Variants in GRIA3 observed in about 807,000 individuals in gnomAD.
GRIA3 encodes the protein glutamate receptor 3.
A neutral mutation model predicts 63.0 loss-of-function variants in GRIA3; 3 were observed. The ratio of observed to expected loss-of-function variants is 0.05; its 90% confidence interval spans 0.02 to 0.12. GRIA3 has a LOEUF of 0.12. Among genes scored for constraint, GRIA3 ranks in the 10% least tolerant of loss-of-function variants. GRIA3 has a pLI of 1.00. For synonymous variants in GRIA3, 274 were observed against 257.9 expected (o/e 1.06, Z -0.60); for missense variants, 347 against 700.9 (o/e 0.50, Z 5.70).
At chrX:123,416,204 C>T (rs918389453) in intron 10 of GRIA3, among the ~76,000 whole-genome samples, 1 of 112,154 alleles carries the variant, frequency 8.9e-6, no homozygotes, top group Non-Finnish European at 1.9e-5. Flanking sequence ...ATTTCCCTTT[C>T]AACTAATTAA....
intron 12 of GRIA3, among the ~76,000 whole-genome samples, chrX:123,463,686 G>GAA (rs2045814698): frequency 2.0e-5 from 1 of 50,942 alleles, no homozygotes; most frequent in African/African-American, 9.0e-5. Context: ...GAAAGAAAGA[G>GAA]AGAGAAAGAA....
intron 4 of GRIA3, among the ~76,000 whole-genome samples, chrX:123,341,729 A>T (rs887377253): frequency 6.2e-5 from 7 of 112,527 alleles, no homozygotes; most frequent in Non-Finnish European, 1.1e-4. Flanking sequence ...CATATTGCCC[A>T]CTATAATCCT....
chrX:123,459,037 T>C (rs2045778685), intron 12 of GRIA3, among the ~76,000 whole-genome samples: 1 of 111,808 alleles, frequency 8.9e-6, no homozygotes, highest in Admixed American at 9.5e-5. Flanking sequence ...TATAAAGATA[T>C]ATAATGTTTT....
chrX:123,446,769 TA>T (rs1205125238), intron 12 of GRIA3, among the ~76,000 whole-genome samples: 1 of 111,423 alleles, frequency 9.0e-6, no homozygotes, highest in Non-Finnish European at 1.9e-5. Context: ...CAGGTAAGGA[TA>T]GGGGTGGGAA....
chrX:123,249,059 C>T (rs1190951874), intron 2 of GRIA3, among the ~76,000 whole-genome samples: 2 of 111,616 alleles, frequency 1.8e-5, no homozygotes, highest in Non-Finnish European at 3.8e-5. Context: ...TCCTGACCCA[C>T]GCTGCAAAAG....
intron 12 of GRIA3, among the ~76,000 whole-genome samples, chrX:123,437,586 G>A (rs912669811): frequency 2.7e-5 from 3 of 111,571 alleles, no homozygotes; most frequent in African/African-American, 9.8e-5. Flanking sequence ...GAAAACCACT[G>A]TGGCTGAAGA....
intron 12 of GRIA3, among the ~76,000 whole-genome samples, chrX:123,453,050 C>G (rs1291147789): frequency 2.7e-5 from 3 of 111,913 alleles, no homozygotes; most frequent in Non-Finnish European, 5.6e-5. Context: ...GGTATATACC[C>G]AAAGGATTAT....
intron 2 of GRIA3, chrX:123,202,787 G>C: frequency 8.6e-7 from 1 of 1,160,422 alleles, no homozygotes; most frequent in Non-Finnish European, 1.2e-6. Context: ...TCTGGGGTAA[G>C]TGCCCATAGT....
chrX:123,480,070 G>A lies in GRIA3; in HGVS notation c.2332G>A (p.Val778Ile). ...TPKGSALRTP[V>I]NLAVLKLSEQ... is the part of the protein sequence containing the mutation. Reference sequence around the variant, plus strand: ...GTTATTTCCCACGTGAAGAACGCCTGTAAACCTTGCAGTATTGAAACTCAG... The same window carrying A: ...GTTATTTCCCACGTGAAGAACGCCTATAAACCTTGCAGTATTGAAACTCAG... Residue 778 changes from valine (V) to isoleucine (I), a missense_variant, in exon 14 of 16, where the codon GTA becomes ATA. Val to Ile is a conservative substitution (Grantham distance 29). This residue lies in a region of GRIA3 where 49 missense variants were observed against 176.6 expected (regional missense o/e 0.28). Coordinates refer to ENST00000620443, the MANE Select transcript of GRIA3 (RefSeq NM_007325.5). 8.5e-7 allele frequency: 1 copy of A among 1,174,390 alleles called. No homozygotes were observed. The highest frequency in any genetic ancestry group is 1.2e-6 in the Non-Finnish European group (1 of 861,528).
chrX:123,390,530 C>T (rs2016570731), intron 5 of GRIA3, among the ~76,000 whole-genome samples: 1 of 111,724 alleles, frequency 9.0e-6, no homozygotes, highest in Non-Finnish European at 1.9e-5. Flanking sequence ...AATGGGAACT[C>T]CCATCAGACT....
At chrX:123,268,279 A>T (rs2044499667) in intron 3 of GRIA3, among the ~76,000 whole-genome samples, 1 of 110,945 alleles carries the variant, frequency 9.0e-6, no homozygotes. Context: ...AGAGGCTGAG[A>T]AAAAGGCTTC....
intron 2 of GRIA3, among the ~76,000 whole-genome samples, chrX:123,244,962 C>T (rs953940761): frequency 8.9e-6 from 1 of 112,097 alleles, no homozygotes; most frequent in Non-Finnish European, 1.9e-5. Context: ...AAAGAAGGAA[C>T]AGTAATTTTA....
chrX:123,486,631 T>C (rs1193249647), intron 15 of GRIA3, among the ~76,000 whole-genome samples: 1 of 112,084 alleles, frequency 8.9e-6, no homozygotes, highest in Admixed American at 9.4e-5. Context: ...CTCAGCCAAT[T>C]TGGTGATGTG....
At position 123,278,673 on chromosome X, in the gene GRIA3, A is replaced by T. The variant is rs2044568568; in HGVS notation, c.508+25131A>T. Among the ~76,000 whole-genome samples, 3 of 112,361 alleles carry T rather than the reference A, an allele frequency of 2.7e-5. No homozygotes were observed. The South Asian group carries it at 1.1e-3, about 41-fold the overall frequency. On this transcript the variant is annotated intron_variant, in intron 3 of 15. Coordinates refer to ENST00000620443, the MANE Select transcript of GRIA3 (RefSeq NM_007325.5). Reference sequence around the variant, plus strand: ...CCAGATTTGCCAACACCATGTATTAAAGAGGCTGTCCTTTTCCCAAATGTG... The same window carrying T: ...CCAGATTTGCCAACACCATGTATTATAGAGGCTGTCCTTTTCCCAAATGTG...
intron 3 of GRIA3, among the ~76,000 whole-genome samples, chrX:123,260,413 ACAGACAGACAGACAG>A (rs2044446300): frequency 1.2e-4 from 1 of 8,126 alleles, no homozygotes; most frequent in African/African-American, 3.8e-4. Context: ...AGACAGACAG[ACAGACAGACAGACAG>A]AAAGAAAGAA....
intron 12 of GRIA3, among the ~76,000 whole-genome samples, chrX:123,438,020 T>C (rs1046968224): frequency 3.6e-5 from 4 of 112,092 alleles, no homozygotes; most frequent in Admixed American, 1.9e-4. Flanking sequence ...AAACTTGCCA[T>C]TTTAACCACT....
intron 2 of GRIA3, among the ~76,000 whole-genome samples, chrX:123,224,908 T>C (rs762741162): frequency 1.8e-5 from 2 of 112,177 alleles, no homozygotes; most frequent in Non-Finnish European, 3.8e-5. Flanking sequence ...ATCATAGTTT[T>C]AAAATGTCAC....
chrX:123,430,203 T>A (rs1355903355), intron 12 of GRIA3, among the ~76,000 whole-genome samples: 1 of 112,388 alleles, frequency 8.9e-6, no homozygotes, highest in Non-Finnish European at 1.9e-5. Context: ...CTAATGCTCA[T>A]CAATTCCTAG....
chrX:123,417,385 T>G lies in GRIA3; in HGVS notation c.1501-17T>G. The G allele has an allele frequency of 8.4e-7, 1 of 1,184,438 alleles. No homozygotes were observed. Among genetic ancestry groups the G allele is most frequent in the South Asian group, 1.8e-5 (1 of 55,808 alleles). On this transcript the variant is annotated splice_polypyrimidine_tract_variant and intron_variant, in intron 10 of 15. Transcript: ENST00000620443. Reference sequence around the variant, plus strand: ...TCTAAAAGTCATATATGTTTTCTTTTTTTTCTTTTTTTTCAGAGAGCTGAT... The same window carrying G: ...TCTAAAAGTCATATATGTTTTCTTTGTTTTCTTTTTTTTCAGAGAGCTGAT...
Sources: gnomAD v4.1 joint callset for allele counts (sites outside exome capture counted in the v4.1 genomes callset) on GRCh38, gnomAD v4.1.1 for gene constraint, gnomAD v4.1.1 regional missense constraint, MANE v1.5 for transcripts, NCBI Gene and HGNC (gene_info 2026-07-23, HGNC 2026-07-21) for gene names.